Variants in STK10 observed in about 807,000 individuals in gnomAD.
STK10 encodes the protein serine/threonine kinase 10.
In STK10, 78 loss-of-function variants were observed where a neutral mutation model predicts 113.8. The observed-to-expected ratio is 0.69, with a 90% CI of 0.57 to 0.83. The LOEUF is 0.83. Ranked by LOEUF, STK10 falls within the 40% of genes least tolerant of loss-of-function variation. The pLI, the probability that STK10 is intolerant of heterozygous loss-of-function variation, is 0.00. For missense variants in STK10, 1,109 were observed against 1,280.1 expected, an observed-to-expected ratio of 0.87 and a Z score of 2.04; for synonymous variants, 465 against 494.7, an observed-to-expected ratio of 0.94 and a Z score of 0.80.
intron 1 of STK10, among the ~76,000 whole-genome samples, chr5:172,176,350 CTT>C (rs1230602253): frequency 1.3e-5 from 2 of 152,156 alleles, no homozygotes; most frequent in African/African-American, 4.8e-5. Context: ...GCCCTAGACT[CTT>C]TCATGCCTCC....
rs1768856556 is a variant in STK10 at position 172,096,453 on chromosome 5, T to C, written c.978A>G (p.Glu326=). ...AGGCGGCATCCACGGCGTCCTCCTC[T>C]TCCCCCTCATCCCGGCCGTCTTCGA... is the stretch of plus-strand genomic sequence containing the variant. ...EEIEDGRDEG[E]EEDAVDAAST... is the part of the protein sequence containing the mutation. The change falls in exon 8 of 19, where the codon GAA becomes GAG. Residue 326 remains glutamate (E), a synonymous_variant. Coordinates refer to ENST00000176763, the MANE Select transcript of STK10 (RefSeq NM_005990.4). 6.2e-7 allele frequency: 1 copy of C among 1,613,176 alleles called. No homozygotes were observed. The highest frequency in any genetic ancestry group is 1.3e-5 in the African/African-American group (1 of 74,954).
intron 4 of STK10, 108 bp from the exon 5 acceptor site, chr5:172,107,960 T>A: frequency 1.2e-6 from 1 of 847,266 alleles, no homozygotes; most frequent in Non-Finnish European, 1.9e-6. Flanking sequence ...GATGCCATTT[T>A]CTATCTAGCA....
intron 2 of STK10, among the ~76,000 whole-genome samples, chr5:172,136,076 A>G (rs1769852456): frequency 6.6e-6 from 1 of 152,036 alleles, no homozygotes; most frequent in Non-Finnish European, 1.5e-5. Flanking sequence ...GAAAAAAAGA[A>G]AAAAAAACCT....
At chr5:172,053,922 G>A (rs1056554838) in intron 17 of STK10, among the ~76,000 whole-genome samples, 7 of 152,344 alleles carry the variant, frequency 4.6e-5, no homozygotes, top group African/African-American at 1.4e-4. Context: ...ATAGGAAAAC[G>A]GATGCGGAAG....
intron 2 of STK10, among the ~76,000 whole-genome samples, chr5:172,135,824 C>G (rs948328287): frequency 2.0e-5 from 3 of 151,948 alleles, no homozygotes; most frequent in Admixed American, 6.6e-5. Flanking sequence ...GTCAGGCATT[C>G]AAGACCAGCC....
At chr5:172,059,256 C>A (rs2113699788) in intron 14 of STK10, among the ~76,000 whole-genome samples, 1 of 151,490 alleles carries the variant, frequency 6.6e-6, no homozygotes, top group Admixed American at 6.6e-5. Context: ...TCCCATCTCT[C>A]CTAAAAATAT....
At chr5:172,121,170 A>G (rs1769502680) in intron 3 of STK10, among the ~76,000 whole-genome samples, 1 of 151,308 alleles carries the variant, frequency 6.6e-6, no homozygotes, top group Non-Finnish European at 1.5e-5. Context: ...CTGGGATGAC[A>G]GGCATGTGCC....
At chr5:172,168,736 C>T (rs1360896252) in intron 1 of STK10, among the ~76,000 whole-genome samples, 14 of 152,168 alleles carry the variant, frequency 9.2e-5, no homozygotes, top group Admixed American at 9.2e-4. Flanking sequence ...AGCTAGGAGG[C>T]ACTGGCAGGC....
Position 172,187,877 on chromosome 5 carries a change from G to A in STK10, c.156+10C>T. ...GACGCGCGTCCGGCCACCCACCTCA[G>A]CGCCCTCACCTTGTAAACCTTGCCG... On this transcript the variant is annotated intron_variant, in intron 1 of 18. Coordinates refer to ENST00000176763, the MANE Select transcript of STK10 (RefSeq NM_005990.4). This position sits in a 1 kb window ranked among gnomAD's most constrained non-coding sequence, Gnocchi z 4.6. 1 of 1,612,362 alleles carries A rather than the reference G, an allele frequency of 6.2e-7. No individual in the cohort carries two copies. Among genetic ancestry groups the A allele is most frequent in the Non-Finnish European group, 8.5e-7 (1 of 1,179,394 alleles).
chr5:172,050,338 A>C (rs530839681), intron 18 of STK10, among the ~76,000 whole-genome samples: 1 of 152,134 alleles, frequency 6.6e-6, no homozygotes, highest in Non-Finnish European at 1.5e-5. Context: ...GTTCTTGTGC[A>C]ATCATCTTGA....
Position 172,096,516 on chromosome 5 carries a change from C to T in STK10, c.915G>A (p.Glu305=), listed in dbSNP as rs1484174219. The change falls in exon 8 of 19, where the codon GAG becomes GAA. Residue 305 remains glutamate, a synonymous_variant. Coordinates refer to ENST00000176763, the MANE Select transcript of STK10 (RefSeq NM_005990.4). ...CCTCGGCCTTGGCCTCAGCCACCAGCTCCCGCAGAGCCTTGTTACTGGTGA... is the reference window on the plus strand; with the variant it reads ...CCTCGGCCTTGGCCTCAGCCACCAGTTCCCGCAGAGCCTTGTTACTGGTGA... The part of the protein sequence containing the change: ...SSITSNKALR[E]LVAEAKAEVM... 2 of 1,613,828 alleles carry T rather than the reference C, an allele frequency of 1.2e-6. No individual in the cohort carries two copies. The highest frequency in any genetic ancestry group is 1.7e-5 in the Admixed American group (1 of 60,032).
intron 2 of STK10, 25 bp from the exon 3 acceptor site, chr5:172,127,446 A>AG: frequency 4.3e-6 from 7 of 1,612,832 alleles, no homozygotes. Context: ...GGGCAAAGTG[A>AG]CAATGAGTGG....
chr5:172,172,351 C>T (rs537825817), intron 1 of STK10, among the ~76,000 whole-genome samples: 21 of 152,306 alleles, frequency 1.4e-4, no homozygotes, highest in South Asian at 1.0e-3. Flanking sequence ...CGCGTGGTGC[C>T]GCATCCAAAA....
chr5:172,177,384 C>T (rs58019738), intron 1 of STK10, among the ~76,000 whole-genome samples: 11,223 of 152,284 alleles, frequency 0.074, 1,342 homozygotes, highest in African/African-American at 0.25. Flanking sequence ...GGTATTTTGT[C>T]ACGGCAGCCC....
At chr5:172,118,925 G>A (rs1581165735) in intron 3 of STK10, among the ~76,000 whole-genome samples, 1 of 149,146 alleles carries the variant, frequency 6.7e-6, no homozygotes, top group South Asian at 2.1e-4. Context: ...CCTCTCTTCG[G>A]TGACCCATTT....
At position 172,052,947 on chromosome 5, in the gene STK10, C is replaced by T; in HGVS notation, c.2748G>A (p.Lys916=). The change falls in exon 18 of 19, where the codon AAG becomes AAA. Residue 916 remains lysine, a synonymous_variant. Coordinates refer to ENST00000176763, the MANE Select transcript of STK10 (RefSeq NM_005990.4). ...HNQNLKEWRD[K]LRPRKKALEE... Reference sequence around the variant, plus strand: ...AAGTTACCTTCTTGCGCGGCCGAAGCTTGTCCCGCCATTCCTTCAGGTTCT... The same window carrying T: ...AAGTTACCTTCTTGCGCGGCCGAAGTTTGTCCCGCCATTCCTTCAGGTTCT... 1 of 1,614,144 alleles carries T rather than the reference C, an allele frequency of 6.2e-7. No individual in the cohort carries two copies. Among genetic ancestry groups the T allele is most frequent in the Non-Finnish European group, 8.5e-7 (1 of 1,180,044 alleles).
intron 2 of STK10, among the ~76,000 whole-genome samples, chr5:172,147,466 T>A (rs1407587789): frequency 1.3e-5 from 2 of 151,824 alleles, no homozygotes; most frequent in African/African-American, 2.4e-5. Flanking sequence ...ATCTCGGCTC[T>A]CTGCAACCTC....
chr5:172,057,330 G>C lies in STK10; in HGVS notation c.2337+19C>G, dbSNP rs377205624. The C allele has an allele frequency of 6.3e-7, 1 of 1,578,722 alleles. No individual in the cohort carries two copies. Among genetic ancestry groups the C allele is most frequent in the South Asian group, 1.2e-5 (1 of 86,928 alleles). ...CGGCCCGGCAGCAGATCCGAGCCCC[G>C]TGCCACCGGCAGCCTCACCTTCTCA... is the stretch of plus-strand genomic sequence containing the variant. On this transcript the variant is annotated intron_variant, in intron 15 of 18. Transcript: ENST00000176763.
At chr5:172,127,962 C>T (rs566454561) in intron 2 of STK10, among the ~76,000 whole-genome samples, 1 of 152,356 alleles carries the variant, frequency 6.6e-6, no homozygotes, top group South Asian at 2.1e-4. Flanking sequence ...GGGGATGTAA[C>T]TGACCAAGGC....
Sources: gnomAD v4.1 joint callset for allele counts (sites outside exome capture counted in the v4.1 genomes callset) on GRCh38, gnomAD v4.1.1 for gene constraint, Gnocchi (gnomAD v3.1) non-coding constraint, MANE v1.5 for transcripts, NCBI Gene and HGNC (gene_info 2026-07-23, HGNC 2026-07-21) for gene names.